Variants in TP53BP1 observed in about 807,000 individuals in gnomAD.
The protein encoded by TP53BP1 is tumor protein p53 binding protein 1, also known as TP53-binding protein 1.
A neutral mutation model predicts 200.8 loss-of-function variants in TP53BP1; 61 were observed. The observed-to-expected ratio is 0.30, with a 90% confidence interval of 0.25 to 0.38. TP53BP1 has a LOEUF of 0.38. Among genes scored for constraint, TP53BP1 ranks in the 10% least tolerant of loss-of-function variants. The pLI, the probability that TP53BP1 is intolerant of heterozygous loss-of-function variation, is 1.00. For missense variants in TP53BP1, 2,144 were observed against 2,371.9 expected (o/e 0.90, Z 2.00); for synonymous variants, 822 against 844.3 (o/e 0.97, Z 0.46).
intron 4 of TP53BP1, among the ~76,000 whole-genome samples, chr15:43,490,218 T>C (rs2079102111): frequency 6.6e-6 from 1 of 152,124 alleles, no homozygotes; most frequent in African/African-American, 2.4e-5. Context: ...GCCTCCTGAG[T>C]GGCTGGTATT....
At chr15:43,497,960 G>C (rs984186870), upstream of TP53BP1, among the ~76,000 whole-genome samples, 1 of 152,082 alleles carries the variant, frequency 6.6e-6, no homozygotes, top group Non-Finnish European at 1.5e-5. Flanking sequence ...TGTGTACTTA[G>C]ATCATAAAAA....
rs1200447833 is a variant in TP53BP1 at position 43,407,509 on chromosome 15, C to T, written c.5808G>A (p.Leu1936=). 3 of 1,614,116 alleles carry T rather than the reference C, an allele frequency of 1.9e-6. No individual in the cohort carries two copies. The highest frequency in any genetic ancestry group is 1.3e-5 in the African/African-American group (1 of 74,944). The change falls in exon 28 of 28, where the codon CTG becomes CTA. Residue 1936 remains leucine, a synonymous_variant. Coordinates refer to ENST00000382044, the MANE Select transcript of TP53BP1 (RefSeq NM_001141980.3). The part of the protein sequence containing the change: ...VTDPSCPASV[L]KCAEALQLPV... ...GCAGCTGCAATGCTTCAGCACACTT[C>T]AGCACCGAGGCTGGGCATGAGGGGT...
At chr15:43,475,795 T>C (rs1178100209) in intron 8 of TP53BP1, 101 bp from the exon 9 acceptor site, 12 of 1,372,550 alleles carry the variant, frequency 8.7e-6, no homozygotes, top group African/African-American at 1.5e-5. Flanking sequence ...TTCCAACATA[T>C]TTCCATATTT....
chr15:43,426,064 C>CA (rs34837192), intron 18 of TP53BP1, among the ~76,000 whole-genome samples: 29,814 of 96,166 alleles, frequency 0.31, 4,649 homozygotes, highest in African/African-American at 0.53. Context: ...GACTCCGTCT[C>CA]AAAAAAAAAA....
At chr15:43,465,162 A>G (rs922568858) in intron 11 of TP53BP1, among the ~76,000 whole-genome samples, 1 of 152,036 alleles carries the variant, frequency 6.6e-6, no homozygotes, top group Non-Finnish European at 1.5e-5. Flanking sequence ...ACTGGTGTCT[A>G]CTTTCCATTT....
chr15:43,418,584 ATGTTT>A lies in TP53BP1; in HGVS notation c.4681+1716_4681+1720del, dbSNP rs1390204933. ...CCATGTTCAAAAAGTCCTCAGAAAG[ATGTTT>A]TTAAATGACAAACTCAACACAAATA... On this transcript the variant is annotated intron_variant, in intron 21 of 27. Coordinates refer to ENST00000382044, the MANE Select transcript of TP53BP1 (RefSeq NM_001141980.3). Among the ~76,000 whole-genome samples the A allele has an allele frequency of 2.6e-5, 4 of 152,254 alleles. No individual in the cohort carries two copies. The East Asian group carries it at 7.7e-4, about 29-fold the overall frequency.
chr15:43,447,015 C>A, intron 13 of TP53BP1: 1 of 504,890 alleles, frequency 2.0e-6, no homozygotes, highest in Non-Finnish European at 3.9e-6. Context: ...GACTAATTAG[C>A]CAAGGTACTG....
chr15:43,413,441 C>A, intron 23 of TP53BP1, 107 bp from the exon 24 acceptor site: 1 of 867,308 alleles, frequency 1.2e-6, no homozygotes, highest in Non-Finnish European at 1.8e-6. Context: ...TGGGCAGGCA[C>A]TGTCCTGATG....
chr15:43,411,232 A>C (rs2045107167), intron 24 of TP53BP1, among the ~76,000 whole-genome samples: 1 of 152,166 alleles, frequency 6.6e-6, no homozygotes, highest in Non-Finnish European at 1.5e-5. Context: ...TCTGGGTTCC[A>C]ATTTCTTCAT....
At chr15:43,492,896 C>G (rs1176145187) in intron 1 of TP53BP1, 141 bp downstream of exon 1, 2 of 765,962 alleles carry the variant, frequency 2.6e-6, no homozygotes, top group South Asian at 1.7e-5. Flanking sequence ...CGTTTCCCCA[C>G]CCCCTCCTTA....
intron 20 of TP53BP1, 47 bp from the exon 21 acceptor site, chr15:43,420,782 A>T: frequency 6.5e-7 from 1 of 1,531,662 alleles, no homozygotes; most frequent in Non-Finnish European, 8.9e-7. Flanking sequence ...ACAAGAACAC[A>T]GAAGTATATA....
At position 43,440,328 on chromosome 15, in the gene TP53BP1, G is replaced by A. The variant is rs536350317; in HGVS notation, c.3098+1198C>T. 7.2e-5 allele frequency among the ~76,000 whole-genome samples: 11 copies of A among 152,020 alleles called. No homozygotes were observed. The East Asian group carries it at 1.9e-3, about 27-fold the overall frequency. On this transcript the variant is annotated intron_variant, in intron 15 of 27. Coordinates refer to ENST00000382044, the MANE Select transcript of TP53BP1 (RefSeq NM_001141980.3). ...AGATCGAGACCATCCTGGCTAACAC[G>A]GTGAAACCCCGTCTCCACTAAAAAT...
rs2044865109 is a variant in TP53BP1, at chr15:43,406,095, G to GA, written c.*1287dup. ...TATTCTCCAAGAAAAAGGTCCTTAA[G>GA]AAAAAATTGAGATCAAGTTGTTAGA... On this transcript the variant is annotated 3_prime_UTR_variant, in exon 28 of 28. Coordinates refer to ENST00000382044, the MANE Select transcript of TP53BP1 (RefSeq NM_001141980.3). 1.6e-5 allele frequency: 2 copies of GA among 123,780 alleles called. No individual in the cohort carries two copies. Among genetic ancestry groups the GA allele is most frequent in the Admixed American group, 1.6e-4 (2 of 12,790 alleles). 7.7% of individuals were successfully genotyped at this position (123,780 alleles called of 1,614,324 possible).
chr15:43,446,669 A>G (rs1181484879), intron 13 of TP53BP1, 79 bp from the exon 14 acceptor site: 3 of 1,569,952 alleles, frequency 1.9e-6, no homozygotes, highest in Non-Finnish European at 2.6e-6. Context: ...AAGGTCATCA[A>G]TTTGCCTGTT....
At chr15:43,473,928 G>C (rs1340594510) in intron 10 of TP53BP1, among the ~76,000 whole-genome samples, 1 of 152,228 alleles carries the variant, frequency 6.6e-6, no homozygotes, top group Non-Finnish European at 1.5e-5. Flanking sequence ...GCAGGGGGCA[G>C]TGCTCATCAG....
At chr15:43,442,954 T>C (rs2045964067) in intron 14 of TP53BP1, among the ~76,000 whole-genome samples, 1 of 149,856 alleles carries the variant, frequency 6.7e-6, no homozygotes. Context: ...GCCTCCCGAG[T>C]AGCTGGGATT....
chr15:43,451,050 CTTTT>C (rs1056558706), intron 12 of TP53BP1, among the ~76,000 whole-genome samples: 5 of 151,978 alleles, frequency 3.3e-5, no homozygotes, highest in African/African-American at 1.2e-4. Context: ...AAGCATGTAT[CTTTT>C]TTTAAAATCA....
At chr15:43,465,333 A>G (rs1000858395) in intron 11 of TP53BP1, among the ~76,000 whole-genome samples, 12 of 152,150 alleles carry the variant, frequency 7.9e-5, no homozygotes, top group African/African-American at 2.9e-4. Context: ...AACTCTATGA[A>G]TATACTAAAA....
chr15:43,451,121 A>G (rs1225952326), intron 12 of TP53BP1, among the ~76,000 whole-genome samples: 1 of 152,050 alleles, frequency 6.6e-6, no homozygotes, highest in African/African-American at 2.4e-5. Flanking sequence ...CAAATGCAAA[A>G]CTCACCCAAT....
Sources: allele counts gnomAD v4.1 joint callset (sites outside exome capture counted in the v4.1 genomes callset), GRCh38; gene constraint gnomAD v4.1.1; transcripts MANE v1.5; gene names NCBI Gene and HGNC (gene_info 2026-07-23, HGNC 2026-07-21).